The following SGCD variants were observed in gnomAD, a reference collection of about 807,000 sequenced individuals.
SGCD encodes sarcoglycan delta.
In SGCD, 18 loss-of-function variants were observed where a neutral mutation model predicts 36.6. The ratio of observed to expected loss-of-function variants is 0.49; its 90% CI spans 0.34 to 0.73. SGCD has a LOEUF of 0.73. Ranked by LOEUF, SGCD falls within the 30% of genes least tolerant of loss-of-function variation. SGCD has a pLI of 0.01. For missense variants in SGCD, 387 were observed against 346.7 expected, an observed-to-expected ratio of 1.12 and a Z score of -0.92; for synonymous variants, 133 against 130.6, an observed-to-expected ratio of 1.02 and a Z score of -0.12.
At chr5:155,891,942 C>T (rs180900433) in intron 1 of SGCD, among the ~76,000 whole-genome samples, 77 of 152,110 alleles carry the variant, frequency 5.1e-4, no homozygotes, top group African/African-American at 7.5e-4. Flanking sequence ...TCTGTGAAAA[C>T]GGAGAATACA....
intron 3 of SGCD, among the ~76,000 whole-genome samples, chr5:156,442,168 G>A (rs1029924759): frequency 6.6e-6 from 1 of 152,218 alleles, no homozygotes; most frequent in Non-Finnish European, 1.5e-5. Flanking sequence ...GTGATCGAGT[G>A]TAATCACTTT....
intron 1 of SGCD, among the ~76,000 whole-genome samples, chr5:155,960,412 C>A (rs1757769243): frequency 6.6e-6 from 1 of 152,018 alleles, no homozygotes; most frequent in Non-Finnish European, 1.5e-5. Flanking sequence ...AAGCCCAGGC[C>A]AGTCTTCTGT....
chr5:156,068,552 T>G (rs925847878), intron 1 of SGCD, among the ~76,000 whole-genome samples: 1 of 151,896 alleles, frequency 6.6e-6, no homozygotes, highest in Admixed American at 6.6e-5. Context: ...TTCCAAGTCT[T>G]TGCTATTGTG....
intron 3 of SGCD, among the ~76,000 whole-genome samples, chr5:156,496,200 T>C (rs1044378377): frequency 1.3e-5 from 2 of 152,180 alleles, no homozygotes; most frequent in African/African-American, 2.4e-5. Flanking sequence ...AACTACCTAT[T>C]ATGGGTGAGA....
chr5:156,492,977 G>A (rs905035308), intron 3 of SGCD, among the ~76,000 whole-genome samples: 1 of 152,080 alleles, frequency 6.6e-6, no homozygotes, highest in South Asian at 2.1e-4. Context: ...TGGGCATTTG[G>A]GTTGATTGCA....
chr5:156,321,884 G>T (rs1767681501), upstream of SGCD, among the ~76,000 whole-genome samples: 1 of 152,174 alleles, frequency 6.6e-6, no homozygotes, highest in South Asian at 2.1e-4. Context: ...ACAGTTTTAT[G>T]ATTGAGTACA....
chr5:156,329,974 G>A lies in SGCD; in HGVS notation c.3+395G>A, dbSNP rs1401936502. Among the ~76,000 whole-genome samples the A allele has an allele frequency of 1.3e-4, 17 of 130,532 alleles. No homozygotes were observed. The East Asian group carries it at 2.0e-3, about 15-fold the overall frequency. 85.6% of individuals were successfully genotyped at this position (130,532 alleles called of 152,430 possible). ...GGAGCTTGCAGTGAGCCAAGATGGCGCCACTGCACTCCAGCCTGGGCGACA... is the reference window on the plus strand; with the variant it reads ...GGAGCTTGCAGTGAGCCAAGATGGCACCACTGCACTCCAGCCTGGGCGACA... On this transcript the variant is annotated intron_variant, in intron 2 of 8. Coordinates refer to ENST00000337851, the MANE Select transcript of SGCD (RefSeq NM_000337.6).
At chr5:156,032,974 G>A (rs1379367887) in intron 1 of SGCD, among the ~76,000 whole-genome samples, 1 of 151,960 alleles carries the variant, frequency 6.6e-6, no homozygotes, top group Admixed American at 6.6e-5. Context: ...TTACTCAGGA[G>A]GCTGAGGCAG....
At chr5:156,127,759 C>T (rs1340011158) in intron 3 of SGCD, among the ~76,000 whole-genome samples, 3 of 148,006 alleles carry the variant, frequency 2.0e-5, no homozygotes, top group Admixed American at 6.8e-5. Flanking sequence ...ACAAAACAGC[C>T]GGATATTTAT....
chr5:156,316,911 A>G (rs959895295), intron 3 of SGCD, among the ~76,000 whole-genome samples: 8 of 152,108 alleles, frequency 5.3e-5, no homozygotes, highest in African/African-American at 1.9e-4. Flanking sequence ...ATTAGTTTTA[A>G]GAGAGGATCC....
chr5:156,332,217 C>T (rs923628066), intron 2 of SGCD, among the ~76,000 whole-genome samples: 7 of 152,310 alleles, frequency 4.6e-5, no homozygotes, highest in East Asian at 3.9e-4. Context: ...GGTCATAAAC[C>T]GGCAACCCAA....
intron 1 of SGCD, among the ~76,000 whole-genome samples, chr5:155,942,807 A>C (rs752722775): frequency 6.6e-6 from 1 of 152,258 alleles, no homozygotes; most frequent in Non-Finnish European, 1.5e-5. Flanking sequence ...TACTTAAGGC[A>C]ATAAACCAAG....
At chr5:156,626,953 A>G (rs1460925624) in intron 6 of SGCD, among the ~76,000 whole-genome samples, 1 of 152,240 alleles carries the variant, frequency 6.6e-6, no homozygotes, top group Non-Finnish European at 1.5e-5. Context: ...AGACCACTAC[A>G]GTAACAGAGG....
intron 1 of SGCD, among the ~76,000 whole-genome samples, chr5:155,992,488 A>G (rs1442707445): frequency 5.9e-5 from 9 of 152,202 alleles, no homozygotes; most frequent in Non-Finnish European, 1.2e-4. Flanking sequence ...AAAATAACCT[A>G]AACACATTTT....
At chr5:155,753,342 AAAG>A in the SGCD span, among the ~76,000 whole-genome samples, 1 of 151,002 alleles carries the variant, frequency 6.6e-6, no homozygotes, top group African/African-American at 2.5e-5. Context: ...TCTAAAAAAA[AAAG>A]AAAGAAAGAA....
At chr5:156,429,299 A>G (rs2127786411) in intron 3 of SGCD, among the ~76,000 whole-genome samples, 1 of 141,948 alleles carries the variant, frequency 7.0e-6, no homozygotes, top group Admixed American at 6.9e-5. Context: ...CTTGCTTTAA[A>G]GTCTGTTTTG....
intron 4 of SGCD, among the ~76,000 whole-genome samples, chr5:156,538,750 G>A (rs1012615794): frequency 5.3e-5 from 8 of 152,044 alleles, no homozygotes; most frequent in Admixed American, 2.0e-4. Flanking sequence ...AAGAGTTAAG[G>A]AAGAGAAGAG....
chr5:156,729,106 T>A (rs1459141423), intron 7 of SGCD, among the ~76,000 whole-genome samples: 1 of 152,234 alleles, frequency 6.6e-6, no homozygotes, highest in East Asian at 1.9e-4. Context: ...TAATAAATAA[T>A]CCTGATAAAC....
intron 3 of SGCD, among the ~76,000 whole-genome samples, chr5:156,310,512 G>A (rs1767364267): frequency 1.3e-5 from 2 of 152,152 alleles, no homozygotes; most frequent in South Asian, 4.1e-4. Flanking sequence ...ACTGTGTTAA[G>A]AGCTGAAATT....
Sources: allele counts gnomAD v4.1 joint callset (sites outside exome capture counted in the v4.1 genomes callset), GRCh38; gene constraint gnomAD v4.1.1; transcripts MANE v1.5; gene names NCBI Gene and HGNC (gene_info 2026-07-23, HGNC 2026-07-21).